Variants in PCGF2 observed in about 807,000 individuals in gnomAD.
The protein encoded by PCGF2 is polycomb group RING finger protein 2.
A neutral mutation model predicts 36.1 loss-of-function variants in PCGF2; 8 were observed. The observed-to-expected ratio is 0.22, with a 90% CI of 0.13 to 0.40. PCGF2 has a LOEUF of 0.40. PCGF2 is among the 10% of genes least tolerant of loss of function. The pLI, the probability that PCGF2 is intolerant of heterozygous loss-of-function variation, is 1.00. For missense variants in PCGF2, 436 were observed against 475.9 expected, an observed-to-expected ratio of 0.92 and a Z score of 0.78; for synonymous variants, 198 against 191.2, an observed-to-expected ratio of 1.04 and a Z score of -0.29.
In PCGF2 at chr17:38,734,637, G is replaced by A. The variant is rs1906529212; in HGVS notation, c.*586C>T. 1 of 152,606 alleles carries A rather than the reference G, an allele frequency of 6.6e-6. No homozygotes were observed. The highest frequency in any genetic ancestry group is 1.5e-5 in the Non-Finnish European group (1 of 68,070). The allele number at this position is 152,606 out of a possible 1,614,324, so 9.5% of individuals were successfully genotyped here. A position where few individuals can be genotyped will look rare whatever the true frequency, so the allele number is the denominator to read the frequency against. On this transcript the variant is annotated 3_prime_UTR_variant, in exon 11 of 11. Transcript: ENST00000620225. ...ACCCTGCACTTGCTCCTCAGAACCA[G>A]GGATAAACTGCATTTGTAAAAGGCA...
Position 38,735,264 on chromosome 17 carries a change from T to C in PCGF2, c.994A>G (p.Lys332Glu), listed in dbSNP as rs1297640476. The change falls in exon 11 of 11, where the codon AAG becomes GAG. Residue 332 changes from lysine (K) to glutamate (E), a missense_variant. Lys to Glu is a moderately conservative substitution (Grantham distance 56). Around this residue, in one of 3 missense-constraint regions of PCGF2, gnomAD observed 227 missense variants for 212.9 expected, o/e 1.07. Transcript: ENST00000620225. The stretch of plus-strand genomic sequence containing the variant: ...ACGGGAGCGCCGTTGACAGTCATCT[T>C]GCGCCCCCTGCTGGTGGAGGATGGT... ...QTPSSTSRGR[K>E]MTVNGAPVPP... The C allele has an allele frequency of 6.8e-7, 1 of 1,466,384 alleles. No individual in the cohort carries two copies. Among genetic ancestry groups the C allele is most frequent in the Non-Finnish European group, 9.1e-7 (1 of 1,098,380 alleles). 90.8% of individuals were successfully genotyped at this position (1,466,384 alleles called of 1,614,324 possible). A position where few individuals can be genotyped will look rare whatever the true frequency, so the allele number is the denominator to read the frequency against.
chr17:38,735,655 G>A (rs1289402430), intron 10 of PCGF2, 55 bp from the exon 11 acceptor site: 1 of 1,480,572 alleles, frequency 6.8e-7, no homozygotes, highest in Non-Finnish European at 9.0e-7. Flanking sequence ...TCAGGAGACA[G>A]AGTCCAACTA....
intron 2 of PCGF2, among the ~76,000 whole-genome samples, chr17:38,740,984 C>T (rs71384267): frequency 0.012 from 1,866 of 152,270 alleles, 51 homozygotes; most frequent in African/African-American, 0.043. Flanking sequence ...GTTAGGCTTC[C>T]TCTGAGAAGC....
rs768485910 is a variant in PCGF2 at position 38,738,308 on chromosome 17, C to A, written c.576+45G>T. On this transcript the variant is annotated intron_variant, in intron 9 of 10. Coordinates refer to ENST00000620225, the MANE Select transcript of PCGF2 (RefSeq NM_007144.3). The stretch of plus-strand genomic sequence containing the variant: ...GCTGGGCTGCACAGACTGTCTGACA[C>A]ACCCATACACAGACACTCATTTTTT... The A allele has an allele frequency of 6.8e-6, 10 of 1,460,224 alleles. No homozygotes were observed. The Admixed American group carries it at 1.2e-4, about 17-fold the overall frequency. 90.5% of individuals were successfully genotyped at this position (1,460,224 alleles called of 1,614,324 possible). A position where few individuals can be genotyped will look rare whatever the true frequency, so the allele number is the denominator to read the frequency against.
In PCGF2 at chr17:38,748,283, C is replaced by T. The variant is rs1348689781; in HGVS notation, c.-221G>A. On this transcript the variant is annotated 5_prime_UTR_variant, in exon 1 of 11. Transcript: ENST00000620225. Reference sequence around the variant, plus strand: ...GGAGGGGGGCCGCAGCCGTGTCGCTCGCCCGGGCGGCGGGAGGGGAGAAAC... The same window carrying T: ...GGAGGGGGGCCGCAGCCGTGTCGCTTGCCCGGGCGGCGGGAGGGGAGAAAC... The T allele has an allele frequency of 8.4e-5, 12 of 142,630 alleles. No individual in the cohort carries two copies. The highest frequency in any genetic ancestry group is 2.8e-4 in the Admixed American group (4 of 14,464). The allele number at this position is 142,630 out of a possible 1,614,324, so 8.8% of individuals were successfully genotyped here. A position where few individuals can be genotyped will look rare whatever the true frequency, so the allele number is the denominator to read the frequency against.
At position 38,735,603 on chromosome 17, in the gene PCGF2, G is replaced by T. The variant is rs1379574662; in HGVS notation, c.658-3C>A. ...TACTTGAGGGGGAGAGGCCCGTTCTGCGGGGAGAGTGGGGAGGAGAGACAC... is the reference window on the plus strand; with the variant it reads ...TACTTGAGGGGGAGAGGCCCGTTCTTCGGGGAGAGTGGGGAGGAGAGACAC... On this transcript the variant is annotated splice_region_variant and splice_polypyrimidine_tract_variant and intron_variant, in intron 10 of 10. Coordinates refer to ENST00000620225, the MANE Select transcript of PCGF2 (RefSeq NM_007144.3). The T allele has an allele frequency of 6.4e-7, 1 of 1,557,466 alleles. No individual in the cohort carries two copies. Among genetic ancestry groups the T allele is most frequent in the Admixed American group, 1.8e-5 (1 of 55,150 alleles).
At chr17:38,740,636 G>A (rs1907141136) in intron 2 of PCGF2, among the ~76,000 whole-genome samples, 194 bp from the exon 3 acceptor site, 1 of 152,192 alleles carries the variant, frequency 6.6e-6, no homozygotes. Context: ...GTGGGCACCT[G>A]TAGTCCCAGC....
In PCGF2 at chr17:38,738,871, G is replaced by C; in HGVS notation, c.317-10C>G. 1.9e-6 allele frequency: 3 copies of C among 1,610,560 alleles called. No homozygotes were observed. Among genetic ancestry groups the C allele is most frequent in the African/African-American group, 2.7e-5 (2 of 74,940 alleles). On this transcript the variant is annotated splice_polypyrimidine_tract_variant and intron_variant, in intron 6 of 10. Transcript: ENST00000620225. ...TTGGAGCCGTTGGGGACTGCAGAAGGAAAGAGCTCTCGGGTTGGCGGAGGA... is the reference window on the plus strand; with the variant it reads ...TTGGAGCCGTTGGGGACTGCAGAAGCAAAGAGCTCTCGGGTTGGCGGAGGA...
At chr17:38,735,721 G>A (rs968864946) in intron 10 of PCGF2, 121 bp from the exon 11 acceptor site, 2 of 1,321,296 alleles carry the variant, frequency 1.5e-6, no homozygotes, top group South Asian at 3.1e-5. Context: ...GATGGGATGG[G>A]GCCTTGGAGA....
Position 38,739,666 on chromosome 17 carries a change from G to A in PCGF2, c.129C>T (p.Ile43=), listed in dbSNP as rs773058117. 5.0e-6 allele frequency: 8 copies of A among 1,613,968 alleles called. No homozygotes were observed. Among genetic ancestry groups the A allele is most frequent in the South Asian group, 3.3e-5 (3 of 91,078 alleles). ...ECLHSFCKTC[I]VRYLETNKYC... is the part of the protein sequence containing the mutation. Reference sequence around the variant, plus strand: ...ATTTGTTGGTCTCCAGGTAGCGCACGATGCAGGTTTTGCAGACTTGGGGGT... The same window carrying A: ...ATTTGTTGGTCTCCAGGTAGCGCACAATGCAGGTTTTGCAGACTTGGGGGT... Residue 43 remains isoleucine, a synonymous_variant, in exon 4 of 11, where the codon ATC becomes ATT. Coordinates refer to ENST00000620225, the MANE Select transcript of PCGF2 (RefSeq NM_007144.3). This position sits in a 1 kb window ranked among gnomAD's most constrained non-coding sequence, Gnocchi z 4.0.
Position 38,735,606 on chromosome 17 carries a change from G to A in PCGF2, c.658-6C>T, listed in dbSNP as rs1180174801. 1 of 1,549,672 alleles carries A rather than the reference G, an allele frequency of 6.5e-7. No individual in the cohort carries two copies. Among genetic ancestry groups the A allele is most frequent in the Non-Finnish European group, 8.7e-7 (1 of 1,143,716 alleles). On this transcript the variant is annotated splice_region_variant and splice_polypyrimidine_tract_variant and intron_variant, in intron 10 of 10. Coordinates refer to ENST00000620225, the MANE Select transcript of PCGF2 (RefSeq NM_007144.3). ...TTGAGGGGGAGAGGCCCGTTCTGCG[G>A]GGAGAGTGGGGAGGAGAGACACAGG...
At position 38,739,665 on chromosome 17, in the gene PCGF2, C is replaced by G; in HGVS notation, c.130G>C (p.Val44Leu). 1.2e-6 allele frequency: 2 copies of G among 1,613,974 alleles called. No homozygotes were observed. Among genetic ancestry groups the G allele is most frequent in the Non-Finnish European group, 1.7e-6 (2 of 1,179,894 alleles). The stretch of plus-strand genomic sequence containing the variant: ...TATTTGTTGGTCTCCAGGTAGCGCA[C>G]GATGCAGGTTTTGCAGACTTGGGGG... The part of the protein sequence containing the change: ...CLHSFCKTCI[V>L]RYLETNKYCP... Residue 44 changes from valine (V) to leucine (L), a missense_variant, in exon 4 of 11, where the codon GTG (valine) becomes CTG (leucine). Val to Leu is a conservative substitution (Grantham distance 32, BLOSUM62 1). This residue lies in a region of PCGF2 where 189 missense variants were observed against 219.3 expected (regional missense o/e 0.86). Transcript: ENST00000620225. The surrounding 1 kb of genome is among the most constrained non-coding windows in gnomAD (Gnocchi z 4.0).
intron 2 of PCGF2, among the ~76,000 whole-genome samples, 180 bp from the exon 3 acceptor site, chr17:38,740,622 G>A (rs1907139146): frequency 6.6e-6 from 1 of 152,192 alleles, no homozygotes; most frequent in Admixed American, 6.5e-5. Flanking sequence ...AGCCAGGCAT[G>A]GTGGTGGGCA....
intron 9 of PCGF2, among the ~76,000 whole-genome samples, chr17:38,736,636 C>T (rs1180004896): frequency 6.6e-6 from 1 of 151,980 alleles, no homozygotes; most frequent in East Asian, 1.9e-4. Flanking sequence ...AGATCGAGAC[C>T]ATCCTGGCTA....
In PCGF2 at chr17:38,739,329, G is replaced by T; in HGVS notation, c.210-76C>A. On this transcript the variant is annotated intron_variant, in intron 4 of 10. Transcript: ENST00000620225. The surrounding 1 kb of genome is among the most constrained non-coding windows in gnomAD (Gnocchi z 4.0). ...CGACCTCGCCCTGCTCTCCCAGCCA[G>T]GGTACCCCTCTTCCCACCCCCTTCC... 1 of 1,353,908 alleles carries T rather than the reference G, an allele frequency of 7.4e-7. No individual in the cohort carries two copies. The highest frequency in any genetic ancestry group is 1.1e-6 in the Non-Finnish European group (1 of 947,084). The allele number at this position is 1,353,908 out of a possible 1,614,324, so 83.9% of individuals were successfully genotyped here. A position where few individuals can be genotyped will look rare whatever the true frequency, so the allele number is the denominator to read the frequency against.
Position 38,741,794 on chromosome 17 carries a change from T to A in PCGF2, c.-40-1352A>T, listed in dbSNP as rs188951848. Among the ~76,000 whole-genome samples the A allele has an allele frequency of 1.9e-3, 287 of 152,262 alleles. 1 individual carries two copies. The highest frequency in any genetic ancestry group is 6.8e-3 in the African/African-American group (281 of 41,558). ...GCCCTAGCCCTGGACTCAAAGAGTT[T>A]AGGCAAAAAGGCTATACCCCTGCCA... On this transcript the variant is annotated intron_variant, in intron 2 of 10. Coordinates refer to ENST00000620225, the MANE Select transcript of PCGF2 (RefSeq NM_007144.3).
At position 38,735,109 on chromosome 17, in the gene PCGF2, C is replaced by A; in HGVS notation, c.*114G>T. On this transcript the variant is annotated 3_prime_UTR_variant, in exon 11 of 11. Transcript: ENST00000620225. ...TATATATTTATTTATAAAACCCGCC[C>A]CCCACCCCCAAGGTGGGAAGAGCTG... 2 of 766,628 alleles carry A rather than the reference C, an allele frequency of 2.6e-6. No individual in the cohort carries two copies. Among genetic ancestry groups the A allele is most frequent in the Non-Finnish European group, 3.7e-6 (2 of 539,650 alleles). 47.5% of individuals were successfully genotyped at this position (766,628 alleles called of 1,614,324 possible).
At chr17:38,742,998 G>A (rs758575139) in intron 2 of PCGF2, among the ~76,000 whole-genome samples, 1 of 151,850 alleles carries the variant, frequency 6.6e-6, no homozygotes, top group South Asian at 2.1e-4. Context: ...ACATGCACGC[G>A]TACACACACA....
intron 9 of PCGF2, 72 bp from the exon 10 acceptor site, chr17:38,736,242 G>A (rs1029266737): frequency 4.5e-6 from 4 of 893,182 alleles, no homozygotes; most frequent in Non-Finnish European, 7.3e-6. Flanking sequence ...GTGGGGGACT[G>A]GGAGGCGGGG....
Sources: gnomAD v4.1 joint callset for allele counts (sites outside exome capture counted in the v4.1 genomes callset) on GRCh38, gnomAD v4.1.1 for gene constraint, gnomAD v4.1.1 regional missense constraint, Gnocchi (gnomAD v3.1) non-coding constraint, MANE v1.5 for transcripts, NCBI Gene and HGNC (gene_info 2026-07-23, HGNC 2026-07-21) for gene names.